Variants in MTTP observed in about 807,000 individuals in gnomAD.
MTTP encodes the protein microsomal triglyceride transfer protein.
MTTP carries 49 observed loss-of-function variants against 90.6 expected under a neutral mutation model. That is an observed-to-expected ratio of 0.54 (90% CI 0.43 to 0.69). The LOEUF (loss-of-function observed/expected upper bound fraction) is 0.69, where lower values mean the gene tolerates loss of function less well. MTTP is among the 30% of genes least tolerant of loss of function. The pLI is 0.00. For missense variants in MTTP, 945 were observed against 1,067.5 expected (o/e 0.89, Z 1.60); for synonymous variants, 347 against 384.2 (o/e 0.90, Z 1.13).
At chr4:99,603,040 A>G (rs112876052) in intron 10 of MTTP, among the ~76,000 whole-genome samples, 1 of 152,134 alleles carries the variant, frequency 6.6e-6, no homozygotes. Context: ...CAAAATAACA[A>G]TTTTTGCACT....
Position 99,591,663 on chromosome 4 carries a change from A to G in MTTP, c.631A>G (p.Ser211Gly). 6.2e-7 allele frequency: 1 copy of G among 1,612,734 alleles called. No homozygotes were observed. Among genetic ancestry groups the G allele is most frequent in the Non-Finnish European group, 8.5e-7 (1 of 1,178,976 alleles). The part of the protein sequence containing the change: ...FTTPNQVLGV[S>G]SKATSVTTYK... ...TTTATTTATTTAGGTCTTGGGTGTCAGTTCAAAAGCTACATCTGTCACCAC... is the reference window on the plus strand; with the variant it reads ...TTTATTTATTTAGGTCTTGGGTGTCGGTTCAAAAGCTACATCTGTCACCAC... The change falls in exon 6 of 18, where the codon AGT becomes GGT. Residue 211 changes from serine to glycine, a missense_variant. Coordinates refer to ENST00000265517, the MANE Select transcript of MTTP (RefSeq NM_001386140.1).
Position 99,612,158 on chromosome 4 carries a change from T to G in MTTP, c.1989+705T>G, listed in dbSNP as rs140685905. Among the ~76,000 whole-genome samples, 4 of 152,338 alleles carry G rather than the reference T, an allele frequency of 2.6e-5. No homozygotes were observed. The East Asian group carries it at 5.8e-4, about 22-fold the overall frequency. ...AATGCTATAAAAACTTGAGTCTTTA[T>G]CAATCTTATATTACTATACCTTTTG... On this transcript the variant is annotated intron_variant, in intron 14 of 17. Coordinates refer to ENST00000265517, the MANE Select transcript of MTTP (RefSeq NM_001386140.1).
intron 3 of MTTP, among the ~76,000 whole-genome samples, chr4:99,588,233 T>C (rs1252948157): frequency 6.6e-6 from 1 of 152,142 alleles, no homozygotes; most frequent in Non-Finnish European, 1.5e-5. Context: ...TTGAGCTTTA[T>C]GTTTTACTTT....
At position 99,575,075 on chromosome 4, in the gene MTTP, CT is replaced by C. The variant is rs1724924704; in HGVS notation, c.61+106del. The C allele has an allele frequency of 3.9e-6, 5 of 1,270,404 alleles. No individual in the cohort carries two copies. The Admixed American group carries it at 8.6e-5, about 22-fold the overall frequency. The allele number at this position is 1,270,404 out of a possible 1,614,324, so 78.7% of individuals were successfully genotyped here. A position where few individuals can be genotyped will look rare whatever the true frequency, so the allele number is the denominator to read the frequency against. On this transcript the variant is annotated intron_variant, in intron 1 of 17. Coordinates refer to ENST00000265517, the MANE Select transcript of MTTP (RefSeq NM_001386140.1). The stretch of plus-strand genomic sequence containing the variant: ...GTGTGAGTGAATAGTGAAAGAGTTT[CT>C]GACTAAACTATCTTCAAAACCATGT...
At chr4:99,591,514 T>G in intron 5 of MTTP, 137 bp from the exon 6 acceptor site, 1 of 1,111,682 alleles carries the variant, frequency 9.0e-7, no homozygotes, top group Non-Finnish European at 1.3e-6. Context: ...CCCATTTCAA[T>G]TGTTGTAGGT....
chr4:99,574,842 A>G lies in MTTP; in HGVS notation c.-68A>G. The G allele has an allele frequency of 6.2e-7, 1 of 1,613,968 alleles. No individual in the cohort carries two copies. On this transcript the variant is annotated 5_prime_UTR_variant, in exon 1 of 18. Coordinates refer to ENST00000265517, the MANE Select transcript of MTTP (RefSeq NM_001386140.1). ...GAGGGTCACTCCCTCACTGGCTGCC[A>G]TTGAAAGAGTCCACTTCTCAGTGAC...
At chr4:99,576,990 C>G (rs545401495) in intron 1 of MTTP, among the ~76,000 whole-genome samples, 2 of 152,268 alleles carry the variant, frequency 1.3e-5, no homozygotes, top group East Asian at 3.9e-4. Flanking sequence ...GGATCCTGGG[C>G]AAGAGAGCTT....
At chr4:99,568,304 T>C (rs1724753630) in intron 1 of MTTP, among the ~76,000 whole-genome samples, 1 of 152,146 alleles carries the variant, frequency 6.6e-6, no homozygotes, top group African/African-American at 2.4e-5. Flanking sequence ...TAAGCAATTA[T>C]AGTAAGGTCA....
At chr4:99,617,760 A>G (rs1726133221) in intron 15 of MTTP, among the ~76,000 whole-genome samples, 1 of 152,244 alleles carries the variant, frequency 6.6e-6, no homozygotes, top group Non-Finnish European at 1.5e-5. Flanking sequence ...GGCAAACAGC[A>G]CAAAACAATG....
In MTTP at chr4:99,621,466, T is replaced by C. The variant is rs41275721; in HGVS notation, c.2513+235T>C. 0.038 allele frequency among the ~76,000 whole-genome samples: 5,784 copies of C among 152,270 alleles called. 144 individuals are homozygous for C. The highest frequency in any genetic ancestry group is 0.052 in the African/African-American group (2,159 of 41,562). ...TTTGATTCTGGAGATAGTTATCATA[T>C]TCTAATCCAGAAACAATTTATCCAG... On this transcript the variant is annotated intron_variant, in intron 17 of 17. Transcript: ENST00000265517.
chr4:99,595,862 C>G (rs1725540275), intron 7 of MTTP, among the ~76,000 whole-genome samples: 1 of 151,396 alleles, frequency 6.6e-6, no homozygotes, highest in Non-Finnish European at 1.5e-5. Context: ...TTCTTATGCT[C>G]TGCACTATTA....
At chr4:99,620,784 A>G (rs1726209792) in intron 16 of MTTP, 1 of 429,926 alleles carries the variant, frequency 2.3e-6, no homozygotes. Context: ...ATGCCCATAC[A>G]AAACAATGTA....
chr4:99,598,200 C>A (rs1246328585), intron 8 of MTTP, among the ~76,000 whole-genome samples: 3 of 152,002 alleles, frequency 2.0e-5, no homozygotes, highest in Non-Finnish European at 4.4e-5. Flanking sequence ...ATAAATAAAC[C>A]AGAAATTGAA....
chr4:99,591,184 CA>C, intron 4 of MTTP, 50 bp from the exon 5 acceptor site: 1 of 1,361,550 alleles, frequency 7.3e-7, no homozygotes, highest in Non-Finnish European at 1.1e-6. Flanking sequence ...CACTAGAATT[CA>C]AATGGCCCAC....
chr4:99,602,257 G>C (rs992637386), intron 10 of MTTP, among the ~76,000 whole-genome samples: 22 of 152,022 alleles, frequency 1.4e-4, no homozygotes, highest in African/African-American at 5.3e-4. Flanking sequence ...TTTGCCTAAA[G>C]CTTTTCCACT....
chr4:99,579,072 C>T (rs965302957), intron 1 of MTTP, among the ~76,000 whole-genome samples: 2 of 152,194 alleles, frequency 1.3e-5, no homozygotes, highest in Non-Finnish European at 2.9e-5. Context: ...TTTCCTGACT[C>T]TCTTTGCCTT....
At chr4:99,573,556 A>G (rs1228415786), upstream of MTTP, among the ~76,000 whole-genome samples, 3 of 152,154 alleles carry the variant, frequency 2.0e-5, no homozygotes, top group Non-Finnish European at 2.9e-5. Context: ...ATCCCAATAG[A>G]AGAACAAACA....
At chr4:99,577,812 C>A (rs1190756388) in intron 1 of MTTP, among the ~76,000 whole-genome samples, 1 of 151,948 alleles carries the variant, frequency 6.6e-6, no homozygotes, top group Non-Finnish European at 1.5e-5. Flanking sequence ...ATTTTCAGCG[C>A]CTTCTCTGTG....
intron 3 of MTTP, among the ~76,000 whole-genome samples, chr4:99,589,382 A>T (rs1434945600): frequency 6.6e-6 from 1 of 152,108 alleles, no homozygotes; most frequent in Non-Finnish European, 1.5e-5. Context: ...TGAGGCTCCC[A>T]GCCTATATCA....
Sources: allele counts gnomAD v4.1 joint callset (sites outside exome capture counted in the v4.1 genomes callset), GRCh38; gene constraint gnomAD v4.1.1; transcripts MANE v1.5; gene names NCBI Gene and HGNC (gene_info 2026-07-23, HGNC 2026-07-21).